Variants in FIP1L1 observed in about 807,000 individuals in gnomAD.
FIP1L1 encodes factor interacting with PAPOLA and CPSF1.
A neutral mutation model predicts 84.6 loss-of-function variants in FIP1L1; 21 were observed. That is an observed-to-expected ratio of 0.25 (90% confidence interval 0.18 to 0.36). The LOEUF is 0.36. FIP1L1 is among the 10% of genes least tolerant of loss of function. FIP1L1 has a pLI of 1.00. For synonymous variants in FIP1L1, 263 were observed against 242.3 expected, an observed-to-expected ratio of 1.09 and a Z score of -0.80; for missense variants, 526 against 751.1, an observed-to-expected ratio of 0.70 and a Z score of 3.50.
At chr4:53,413,415 GT>G (rs1366789904) in intron 10 of FIP1L1, among the ~76,000 whole-genome samples, 1 of 151,938 alleles carries the variant, frequency 6.6e-6, no homozygotes, top group African/African-American at 2.4e-5. Flanking sequence ...TTCCATGTGT[GT>G]TTTTTAAAAT....
At chr4:53,419,639 A>G (rs1043373345) in intron 11 of FIP1L1, among the ~76,000 whole-genome samples, 5 of 151,888 alleles carry the variant, frequency 3.3e-5, no homozygotes, top group African/African-American at 9.7e-5. Context: ...AGGTCTCACT[A>G]TGTTGCTCAG....
chr4:53,409,234 G>T (rs1367242177), intron 10 of FIP1L1, among the ~76,000 whole-genome samples: 1 of 152,206 alleles, frequency 6.6e-6, no homozygotes, highest in Non-Finnish European at 1.5e-5. Context: ...TCAGCTGCAG[G>T]TCTGTTGGAG....
chr4:53,398,924 G>A (rs1220467875), intron 9 of FIP1L1, among the ~76,000 whole-genome samples: 3 of 152,312 alleles, frequency 2.0e-5, no homozygotes, highest in East Asian at 3.9e-4. Context: ...GGCTGAGGTG[G>A]GCAGATCACT....
At chr4:53,416,319 C>G (rs560924857) in intron 11 of FIP1L1, among the ~76,000 whole-genome samples, 4 of 152,312 alleles carry the variant, frequency 2.6e-5, no homozygotes, top group East Asian at 1.9e-4. Context: ...CTTAAACTTA[C>G]AATTGTTTTG....
At chr4:53,415,593 AAT>A (rs1033357076) in intron 11 of FIP1L1, among the ~76,000 whole-genome samples, 4 of 151,410 alleles carry the variant, frequency 2.6e-5, no homozygotes, top group Admixed American at 6.6e-5. Context: ...ATGCTATATA[AAT>A]ATGTTTGCAA....
At chr4:53,427,344 C>G (rs1310447244) in intron 12 of FIP1L1, among the ~76,000 whole-genome samples, 1 of 152,140 alleles carries the variant, frequency 6.6e-6, no homozygotes, top group African/African-American at 2.4e-5. Flanking sequence ...TTTGAGGTGC[C>G]ACTTTGCTTG....
intron 13 of FIP1L1, among the ~76,000 whole-genome samples, chr4:53,432,439 A>T (rs1271919807): frequency 1.3e-5 from 2 of 148,998 alleles, no homozygotes; most frequent in Non-Finnish European, 3.0e-5. Context: ...GAAAACAAAT[A>T]CTGGCTAATT....
chr4:53,449,781 A>G (rs948109606), intron 15 of FIP1L1, among the ~76,000 whole-genome samples: 4 of 152,158 alleles, frequency 2.6e-5, no homozygotes, highest in African/African-American at 4.8e-5. Flanking sequence ...TTTAATAGTT[A>G]TTAGACTCTT....
At chr4:53,434,365 C>G (rs531408368) in intron 13 of FIP1L1, among the ~76,000 whole-genome samples, 1 of 152,010 alleles carries the variant, frequency 6.6e-6, no homozygotes, top group Non-Finnish European at 1.5e-5. Flanking sequence ...CTGGTTTCTC[C>G]TGTTTGTTTT....
chr4:53,421,883 C>A (rs1330019219), intron 11 of FIP1L1, among the ~76,000 whole-genome samples: 1 of 152,162 alleles, frequency 6.6e-6, no homozygotes. Flanking sequence ...CGTCCTGATT[C>A]TTCTTTAGAG....
intron 5 of FIP1L1, among the ~76,000 whole-genome samples, chr4:53,384,977 ATTCAG>A (rs1382124917): frequency 6.6e-6 from 1 of 152,176 alleles, no homozygotes; most frequent in Non-Finnish European, 1.5e-5. Context: ...CTTAAAGCCA[ATTCAG>A]TTATTGTCAT....
chr4:53,402,377 CA>C (rs1181442642), intron 10 of FIP1L1, among the ~76,000 whole-genome samples: 1 of 151,784 alleles, frequency 6.6e-6, no homozygotes. Flanking sequence ...AATGTGGGGT[CA>C]GGAGAAGTTT....
intron 3 of FIP1L1, among the ~76,000 whole-genome samples, chr4:53,380,168 A>G (rs538570669): frequency 1.0e-5 from 1 of 100,396 alleles, no homozygotes; most frequent in African/African-American, 2.7e-5. Context: ...TTCAGACAAA[A>G]ACTTGTACGT....
At chr4:53,455,539 G>A (rs1050183956) in intron 16 of FIP1L1, among the ~76,000 whole-genome samples, 5 of 152,082 alleles carry the variant, frequency 3.3e-5, no homozygotes, top group Non-Finnish European at 7.4e-5. Context: ...GAGATGACCT[G>A]AACAGTGGAT....
intron 8 of FIP1L1, 87 bp downstream of exon 8, chr4:53,391,226 T>A: frequency 7.1e-7 from 1 of 1,411,212 alleles, no homozygotes; most frequent in Non-Finnish European, 9.7e-7. Context: ...ATAAAAGTGG[T>A]TAAATGCTAT....
chr4:53,459,424 G>T lies in FIP1L1; in HGVS notation c.1760G>T (p.Ser587Ile). ...AGTGAGCCTGCCCCTGAACAGGAGA[G>T]CACCGAAGCTACACCTGCAGAATAG... ...AGSEPAPEQE[S>I]TEATPAE Residue 587 changes from serine (S) to isoleucine (I), a missense_variant, in exon 18 of 18, where the codon AGC (serine) becomes ATC (isoleucine). Physicochemically the swap from Ser to Ile is moderately radical, Grantham distance 142. Around this residue, in one of 6 missense-constraint regions of FIP1L1, gnomAD observed 89 missense variants for 169.0 expected, o/e 0.53. Transcript: ENST00000337488. The T allele has an allele frequency of 6.2e-7, 1 of 1,613,022 alleles. No homozygotes were observed.
chr4:53,427,220 G>A (rs995598070), intron 12 of FIP1L1, among the ~76,000 whole-genome samples: 1 of 152,190 alleles, frequency 6.6e-6, no homozygotes, highest in African/African-American at 2.4e-5. Flanking sequence ...ATGTTTAAAA[G>A]ATTGCTTTAG....
At chr4:53,447,905 G>A (rs868062884) in intron 15 of FIP1L1, among the ~76,000 whole-genome samples, 7 of 152,048 alleles carry the variant, frequency 4.6e-5, no homozygotes, top group Non-Finnish European at 8.8e-5. Context: ...ATGAGTTCAG[G>A]TGTGGAATTT....
chr4:53,426,024 T>G, intron 12 of FIP1L1, 59 bp downstream of exon 12: 1 of 1,200,290 alleles, frequency 8.3e-7, no homozygotes, highest in Non-Finnish European at 1.2e-6. Context: ...AACATTATAA[T>G]TTAATTTATT....
Sources: gnomAD v4.1 joint callset for allele counts (sites outside exome capture counted in the v4.1 genomes callset) on GRCh38, gnomAD v4.1.1 for gene constraint, gnomAD v4.1.1 regional missense constraint, MANE v1.5 for transcripts, NCBI Gene and HGNC (gene_info 2026-07-23, HGNC 2026-07-21) for gene names.